The following IL1RAP variants were observed in gnomAD, a reference collection of about 807,000 sequenced individuals.
The protein encoded by IL1RAP is interleukin-1 receptor accessory protein.
IL1RAP carries 35 observed loss-of-function variants against 60.7 expected under a neutral mutation model. The observed-to-expected ratio is 0.58, with a 90% CI of 0.44 to 0.76. The LOEUF is 0.76. Ranked by LOEUF, IL1RAP falls within the 30% of genes least tolerant of loss-of-function variation. The pLI is 0.00. For synonymous variants in IL1RAP, 268 were observed against 250.9 expected, an observed-to-expected ratio of 1.07 and a Z score of -0.64; for missense variants, 572 against 693.9, an observed-to-expected ratio of 0.82 and a Z score of 1.97.
chr3:190,599,012 T>G, intron 3 of IL1RAP, among the ~76,000 whole-genome samples: 1 of 152,202 alleles, frequency 6.6e-6, no homozygotes, highest in East Asian at 1.9e-4. Context: ...TTCAATTGCC[T>G]TTCAGCATAA....
chr3:190,557,462 A>G (rs1725522199), intron 2 of IL1RAP, among the ~76,000 whole-genome samples: 1 of 152,180 alleles, frequency 6.6e-6, no homozygotes. Flanking sequence ...CTTTGAAGCT[A>G]TTTCCTAAAA....
intron 1 of IL1RAP, among the ~76,000 whole-genome samples, chr3:190,542,095 T>C (rs571178111): frequency 1.3e-5 from 2 of 152,316 alleles, no homozygotes; most frequent in East Asian, 3.9e-4. Context: ...CCTAGTGAAA[T>C]ATTTTTTTGC....
chr3:190,655,427 T>C (rs1734582371), downstream of IL1RAP, among the ~76,000 whole-genome samples: 1 of 152,156 alleles, frequency 6.6e-6, no homozygotes, highest in Non-Finnish European at 1.5e-5. Context: ...ATTTAAAGAC[T>C]CAAGATCTGA....
At chr3:190,548,798 G>T (rs1451958843) in intron 1 of IL1RAP, among the ~76,000 whole-genome samples, 9 of 152,194 alleles carry the variant, frequency 5.9e-5, no homozygotes, top group Admixed American at 1.3e-4. Flanking sequence ...CTGTGGGAAA[G>T]TTAAGACTTA....
At chr3:190,557,006 A>G (rs1725486356) in intron 2 of IL1RAP, among the ~76,000 whole-genome samples, 1 of 152,180 alleles carries the variant, frequency 6.6e-6, no homozygotes, top group South Asian at 2.1e-4. Flanking sequence ...GAAATACTTA[A>G]TCATCAAATT....
intron 1 of IL1RAP, among the ~76,000 whole-genome samples, chr3:190,525,171 A>T (rs1452053754): frequency 6.6e-6 from 1 of 152,196 alleles, no homozygotes; most frequent in African/African-American, 2.4e-5. Context: ...GAGACAACAG[A>T]CAAACAGAAG....
intron 1 of IL1RAP, among the ~76,000 whole-genome samples, chr3:190,548,325 T>C (rs1560158576): frequency 6.6e-6 from 1 of 152,194 alleles, no homozygotes; most frequent in Admixed American, 6.5e-5. Flanking sequence ...TATTTCACCA[T>C]TTATTAAGCT....
In IL1RAP at chr3:190,553,497, G is replaced by A. The variant is rs147045725; in HGVS notation, c.-88-2633G>A. Among the ~76,000 whole-genome samples, 359 of 152,154 alleles carry A rather than the reference G, an allele frequency of 2.4e-3. 2 individuals carry two copies. Among genetic ancestry groups the A allele is most frequent in the African/African-American group, 7.6e-3 (316 of 41,514 alleles). On this transcript the variant is annotated intron_variant, in intron 1 of 11. Transcript: ENST00000447382. The stretch of plus-strand genomic sequence containing the variant: ...TCTTATGCAAATGCGTTCCTCCACC[G>A]GGGAGAGAAACTTAATTGCTCTCCA...
intron 3 of IL1RAP, among the ~76,000 whole-genome samples, chr3:190,590,552 G>C (rs1011058650): frequency 2.0e-5 from 3 of 152,162 alleles, no homozygotes; most frequent in African/African-American, 4.8e-5. Context: ...CACCGTGCCT[G>C]GCCAGGATTC....
At chr3:190,656,901 A>G (rs2108876651) in exon 12 of IL1RAP, 2 of 259,076 alleles carry the variant, frequency 7.7e-6, no homozygotes, top group Middle Eastern at 1.2e-3. Flanking sequence ...AAACTGAGCT[A>G]AGAATTTAAA....
Position 190,561,307 on chromosome 3 carries a change from C to A in IL1RAP, c.-1-2982C>A, listed in dbSNP as rs538338068. Among the ~76,000 whole-genome samples the A allele has an allele frequency of 1.5e-4, 23 of 152,312 alleles. 1 individual carries two copies. The South Asian group carries it at 4.1e-3, about 27-fold the overall frequency. ...TCTGAGAGGTTTCAGATCAGCCAGGCGCCTCCCAATAACATTGGTACCTTT... is the reference window on the plus strand; with the variant it reads ...TCTGAGAGGTTTCAGATCAGCCAGGAGCCTCCCAATAACATTGGTACCTTT... On this transcript the variant is annotated intron_variant, in intron 2 of 11. Coordinates refer to ENST00000447382, the MANE Select transcript of IL1RAP (RefSeq NM_002182.4).
At chr3:190,563,085 G>A (rs1303299810) in intron 2 of IL1RAP, among the ~76,000 whole-genome samples, 1 of 152,112 alleles carries the variant, frequency 6.6e-6, no homozygotes, top group African/African-American at 2.4e-5. Flanking sequence ...GATTCCTTGT[G>A]TAGTTTATAT....
intron 3 of IL1RAP, among the ~76,000 whole-genome samples, chr3:190,594,791 C>T (rs370697692): frequency 8.1e-4 from 124 of 152,348 alleles, no homozygotes; most frequent in South Asian, 1.7e-3. Flanking sequence ...AGAAAAATTA[C>T]AGTTCATAGA....
At chr3:190,656,800 G>A (rs1734633834) in exon 12 of IL1RAP, 2 of 502,238 alleles carry the variant, frequency 4.0e-6, no homozygotes, top group Admixed American at 3.7e-5. Flanking sequence ...TGCCTCTAAA[G>A]GCCTCAGAAG....
intron 1 of IL1RAP, among the ~76,000 whole-genome samples, chr3:190,539,416 T>G (rs1723741653): frequency 6.6e-6 from 1 of 152,146 alleles, no homozygotes; most frequent in South Asian, 2.1e-4. Flanking sequence ...TTCTATCTTG[T>G]GATACAGATT....
chr3:190,598,303 A>G (rs1729557625), intron 3 of IL1RAP, among the ~76,000 whole-genome samples: 1 of 152,174 alleles, frequency 6.6e-6, no homozygotes, highest in African/African-American at 2.4e-5. Flanking sequence ...TCCATTTGCT[A>G]TCCAACTGTT....
intron 4 of IL1RAP, among the ~76,000 whole-genome samples, chr3:190,604,693 C>G (rs1175518594): frequency 6.6e-6 from 1 of 152,124 alleles, no homozygotes; most frequent in Admixed American, 6.6e-5. Flanking sequence ...TCTCACCACA[C>G]CGGTTCCTGC....
intron 1 of IL1RAP, chr3:190,519,110 C>T (rs76179242): frequency 0.033 from 5,007 of 152,236 alleles, 147 homozygotes; most frequent in East Asian, 0.11. Context: ...ATATCTTTAC[C>T]TTTGGACCTA....
intron 3 of IL1RAP, among the ~76,000 whole-genome samples, chr3:190,578,689 A>G (rs1158354826): frequency 6.6e-6 from 1 of 152,246 alleles, no homozygotes; most frequent in Non-Finnish European, 1.5e-5. Flanking sequence ...AGACATACCC[A>G]AGACTGGGTC....
Sources: allele counts gnomAD v4.1 joint callset (sites outside exome capture counted in the v4.1 genomes callset), GRCh38; gene constraint gnomAD v4.1.1; transcripts MANE v1.5; gene names NCBI Gene and HGNC (gene_info 2026-07-23, HGNC 2026-07-21).